GPC5: variants seen among roughly 807,000 people sequenced by gnomAD.
GPC5 encodes the protein glypican 5.
In GPC5, 47 loss-of-function variants were observed where a neutral mutation model predicts 53.9. The observed-to-expected ratio is 0.87, with a 90% confidence interval of 0.69 to 1.11. GPC5 has a LOEUF of 1.11. Ranked by LOEUF, GPC5 falls within the 50% of genes most tolerant of loss-of-function variation. GPC5 has a pLI of 0.00. For synonymous variants in GPC5, 286 were observed against 263.3 expected (o/e 1.09, Z -0.84); for missense variants, 748 against 713.1 (o/e 1.05, Z -0.56).
intron 6 of GPC5, among the ~76,000 whole-genome samples, chr13:92,039,895 T>C (rs185612693): frequency 3.3e-5 from 5 of 152,218 alleles, no homozygotes; most frequent in African/African-American, 1.2e-4. Flanking sequence ...TACAGTCACA[T>C]TTTGAGGTCT....
chr13:92,099,334 TCACCTACCTTG>T (rs1396995537), intron 6 of GPC5, among the ~76,000 whole-genome samples: 3 of 152,210 alleles, frequency 2.0e-5, no homozygotes, highest in Non-Finnish European at 4.4e-5. Context: ...CACTCCAGCA[TCACCTACCTTG>T]CAGTTAGGGC....
chr13:91,840,745 T>C (rs1594609522), intron 5 of GPC5, among the ~76,000 whole-genome samples: 1 of 150,208 alleles, frequency 6.7e-6, no homozygotes, highest in East Asian at 2.1e-4. Context: ...TTCCTATTTT[T>C]ATTTTTTTTT....
intron 7 of GPC5, among the ~76,000 whole-genome samples, chr13:92,623,759 C>A (rs558113547): frequency 6.5e-4 from 99 of 151,610 alleles, no homozygotes; most frequent in South Asian, 2.5e-3. Flanking sequence ...AAAAAAAAAA[C>A]CAGTGAAATA....
intron 7 of GPC5, among the ~76,000 whole-genome samples, chr13:92,847,710 G>C (rs756990959): frequency 6.6e-6 from 1 of 151,776 alleles, no homozygotes; most frequent in Non-Finnish European, 1.5e-5. Context: ...TGTCTTTGTT[G>C]AGTGTGTTGT....
rs185542647 is a variant in GPC5 at position 91,833,178 on chromosome 13, C to A, written c.1281-74759C>A. On this transcript the variant is annotated intron_variant, in intron 5 of 7. Coordinates refer to ENST00000377067, the MANE Select transcript of GPC5 (RefSeq NM_004466.6). ...ATAAATTCCTGGACACATACACCCTCCCAAGACTAAACCAGGAAGAAGTCA... is the reference window on the plus strand; with the variant it reads ...ATAAATTCCTGGACACATACACCCTACCAAGACTAAACCAGGAAGAAGTCA... 2.3e-4 allele frequency among the ~76,000 whole-genome samples: 35 copies of A among 152,198 alleles called. No homozygotes were observed. The East Asian group carries it at 6.4e-3, about 28-fold the overall frequency.
rs184437506 is a variant in GPC5 at position 92,637,814 on chromosome 13, T to C, written c.1562-228468T>C. ...AGAGAAACAGACTCACAATGACACG[T>C]TGCTAAAATTAGTAGATAATGACAT... is the stretch of plus-strand genomic sequence containing the variant. On this transcript the variant is annotated intron_variant, in intron 7 of 7. Transcript: ENST00000377067. 1.1e-3 allele frequency among the ~76,000 whole-genome samples: 169 copies of C among 152,104 alleles called. 1 individual carries two copies. The highest frequency in any genetic ancestry group is 3.9e-3 in the African/African-American group (162 of 41,496).
At chr13:91,658,639 G>A (rs903430851) in intron 2 of GPC5, among the ~76,000 whole-genome samples, 9 of 152,048 alleles carry the variant, frequency 5.9e-5, no homozygotes, top group Middle Eastern at 3.2e-3. Context: ...TTTAATTACT[G>A]TTTCTGACTA....
chr13:92,577,418 A>G (rs75920437), intron 7 of GPC5, among the ~76,000 whole-genome samples: 3,436 of 145,382 alleles, frequency 0.024, 134 homozygotes, highest in African/African-American at 0.083. Context: ...ATGTATGTAT[A>G]TGTGTGTGTG....
intron 7 of GPC5, among the ~76,000 whole-genome samples, chr13:92,369,924 C>T (rs960688356): frequency 1.3e-5 from 2 of 152,192 alleles, no homozygotes; most frequent in African/African-American, 4.8e-5. Flanking sequence ...AGTTAATAAA[C>T]CTGTGCAGTA....
At chr13:92,139,917 A>G (rs1021609179) in intron 6 of GPC5, among the ~76,000 whole-genome samples, 11 of 152,330 alleles carry the variant, frequency 7.2e-5, no homozygotes, top group African/African-American at 2.2e-4. Context: ...TTTAGCGTCT[A>G]CAATGTGGTA....
intron 7 of GPC5, among the ~76,000 whole-genome samples, chr13:92,191,578 C>A (rs2042223150): frequency 6.6e-6 from 1 of 152,118 alleles, no homozygotes; most frequent in Admixed American, 6.6e-5. Context: ...ATCTTTACAG[C>A]AGCTTTATTA....
intron 7 of GPC5, among the ~76,000 whole-genome samples, chr13:92,242,638 T>C (rs2042621962): frequency 6.6e-6 from 1 of 152,152 alleles, no homozygotes; most frequent in Non-Finnish European, 1.5e-5. Context: ...AAACCTAAAC[T>C]AGTCCCATTT....
rs185376296 is a variant in GPC5, at chr13:92,239,034, T to G, written c.1561+94045T>G. On this transcript the variant is annotated intron_variant, in intron 7 of 7. Transcript: ENST00000377067. ...TCATGGAATTATCTTAGCACCTTGT[T>G]GAAAAAGTAATTGACTATAAATGTG... Among the ~76,000 whole-genome samples the G allele has an allele frequency of 3.0e-4, 45 of 152,072 alleles. No individual in the cohort carries two copies. In the East Asian group the frequency reaches 8.5e-3, roughly 29 times the overall value.
At chr13:91,783,374 A>G (rs1216782914) in intron 5 of GPC5, among the ~76,000 whole-genome samples, 2 of 152,212 alleles carry the variant, frequency 1.3e-5, no homozygotes, top group Non-Finnish European at 2.9e-5. Context: ...GAAGATACAC[A>G]TGTATTTAGA....
chr13:92,743,276 A>C (rs1889155122), intron 7 of GPC5, among the ~76,000 whole-genome samples: 1 of 152,022 alleles, frequency 6.6e-6, no homozygotes. Flanking sequence ...AGTGGTTTGT[A>C]GTTCTCCTTG....
intron 2 of GPC5, 92 bp downstream of exon 2, chr13:91,449,014 T>G: frequency 7.5e-7 from 1 of 1,333,790 alleles, no homozygotes; most frequent in Non-Finnish European, 1.0e-6. Context: ...TGGGTTTATT[T>G]CCTTGTATTT....
In GPC5 at chr13:91,530,895, G is replaced by A. The variant is rs540737622; in HGVS notation, c.325+81973G>A. ...TTCTGTTAATTTATTATTTTAGCACGAAATCTTATTTTGAGGATAGGGTTG... is the reference window on the plus strand; with the variant it reads ...TTCTGTTAATTTATTATTTTAGCACAAAATCTTATTTTGAGGATAGGGTTG... On this transcript the variant is annotated intron_variant, in intron 2 of 7. Coordinates refer to ENST00000377067, the MANE Select transcript of GPC5 (RefSeq NM_004466.6). 2.4e-4 allele frequency among the ~76,000 whole-genome samples: 37 copies of A among 152,170 alleles called. 1 individual carries two copies. The highest frequency in any genetic ancestry group is 9.6e-5 in the African/African-American group (4 of 41,542).
chr13:91,478,882 T>TATATATATATATATATATATACACAC (rs1566435670), intron 2 of GPC5, among the ~76,000 whole-genome samples: 1 of 1,874 alleles, frequency 5.3e-4, no homozygotes, highest in African/African-American at 7.5e-4. Context: ...ATATACACAT[T>TATATATATATATATATATATACACAC]ATATATATAT....
At chr13:92,846,931 T>C (rs1465612812) in intron 7 of GPC5, among the ~76,000 whole-genome samples, 1 of 152,210 alleles carries the variant, frequency 6.6e-6, no homozygotes, top group Non-Finnish European at 1.5e-5. Flanking sequence ...TTGTTGGTGT[T>C]AGAACTATAC....
Sources: gnomAD v4.1 joint callset for allele counts (sites outside exome capture counted in the v4.1 genomes callset) on GRCh38, gnomAD v4.1.1 for gene constraint, MANE v1.5 for transcripts, NCBI Gene and HGNC (gene_info 2026-07-23, HGNC 2026-07-21) for gene names.